Variants in PMS1 observed in about 807,000 individuals in gnomAD.
PMS1 encodes PMS1 homolog 1, mismatch repair system component, also known as PMS1 protein homolog 1.
PMS1 carries 79 observed loss-of-function variants against 93.1 expected under a neutral mutation model. The ratio of observed to expected loss-of-function variants is 0.85; its 90% confidence interval spans 0.71 to 1.02. The LOEUF is 1.02. Ranked by LOEUF, PMS1 falls within the 50% of genes least tolerant of loss-of-function variation. The probability of loss-of-function intolerance (pLI) is 0.00; values close to 1 mark genes in which losing one functional copy is unlikely to be tolerated. For missense variants in PMS1, 1,064 were observed against 1,085.3 expected, an observed-to-expected ratio of 0.98 and a Z score of 0.28; for synonymous variants, 335 against 363.4, an observed-to-expected ratio of 0.92 and a Z score of 0.89.
chr2:189,790,264 A>C (rs1401543397), intron 1 of PMS1, among the ~76,000 whole-genome samples: 5 of 152,216 alleles, frequency 3.3e-5, no homozygotes, highest in Non-Finnish European at 7.3e-5. Flanking sequence ...ATGATGTTTA[A>C]ATGAGACTGT....
Position 189,795,914 on chromosome 2 carries a change from G to C in PMS1, c.278G>C (p.Arg93Pro), listed in dbSNP as rs778185859. 1.9e-6 allele frequency: 3 copies of C among 1,613,514 alleles called. No homozygotes were observed. The highest frequency in any genetic ancestry group is 3.3e-5 in the Admixed American group (2 of 60,008). Residue 93 changes from arginine to proline, a missense_variant, in exon 3 of 13, where the codon CGT becomes CCT. Physicochemically the swap from Arg to Pro is moderately radical, Grantham distance 103. Transcript: ENST00000441310. Reference protein sequence around the residue: ...DLENLTTYGFRGEALGSICCI... With the variant: ...DLENLTTYGFPGEALGSICCI... ...GAAAATTTGACAACTTACGGTTTTC[G>C]TGGAGAAGCCTTGGGGTCAATTTGT...
At chr2:189,810,743 T>G (rs2050770131) in intron 4 of PMS1, among the ~76,000 whole-genome samples, 1 of 152,208 alleles carries the variant, frequency 6.6e-6, no homozygotes, top group Admixed American at 6.5e-5. Context: ...ACTAAAAGGT[T>G]CAACTCAGAT....
At chr2:189,851,291 T>C (rs1485887142) in intron 6 of PMS1, among the ~76,000 whole-genome samples, 3 of 152,180 alleles carry the variant, frequency 2.0e-5, no homozygotes, top group African/African-American at 7.2e-5. Context: ...CATTTTATTA[T>C]TTATTCTTAT....
At chr2:189,876,127 T>G (rs990857760) in intron 12 of PMS1, among the ~76,000 whole-genome samples, 4 of 152,122 alleles carry the variant, frequency 2.6e-5, no homozygotes, top group Non-Finnish European at 5.9e-5. Context: ...AAAAAATTTC[T>G]TAATCATTAG....
chr2:189,805,939 T>C (rs1212937779), intron 4 of PMS1, 185 bp downstream of exon 4: 1 of 1,507,544 alleles, frequency 6.6e-7, no homozygotes. Context: ...ATATTTAGAA[T>C]TGTTCTCAAA....
chr2:189,814,920 A>AC (rs2051149511), intron 4 of PMS1, among the ~76,000 whole-genome samples: 1 of 151,950 alleles, frequency 6.6e-6, no homozygotes, highest in Admixed American at 6.6e-5. Flanking sequence ...ACATGGTGAA[A>AC]CCCCGTCTCT....
chr2:189,793,053 G>A (rs1428118870), intron 2 of PMS1, among the ~76,000 whole-genome samples: 3 of 151,968 alleles, frequency 2.0e-5, no homozygotes, highest in African/African-American at 4.8e-5. Flanking sequence ...CAGGTGATCC[G>A]CCCACCTCGG....
At chr2:189,791,981 A>G (rs774486937) in intron 2 of PMS1, 40 bp downstream of exon 2, 4 of 1,588,780 alleles carry the variant, frequency 2.5e-6, no homozygotes, top group East Asian at 4.5e-5. Flanking sequence ...TAAGACAAAG[A>G]AAAGGGTCTG....
Position 189,855,692 on chromosome 2 carries a change from A to G in PMS1, c.1856+564A>G, listed in dbSNP as rs890253155. 4 of 180,026 alleles carry G rather than the reference A, an allele frequency of 2.2e-5. No individual in the cohort carries two copies. The Admixed American group carries it at 2.5e-4, about 11-fold the overall frequency. 11.2% of individuals were successfully genotyped at this position (180,026 alleles called of 1,614,324 possible). A position where few individuals can be genotyped will look rare whatever the true frequency, so the allele number is the denominator to read the frequency against. ...AGATGTATTATTTATTATAACTTATAAACTATAGTGGGTATTTTTATTACA... is the reference window on the plus strand; with the variant it reads ...AGATGTATTATTTATTATAACTTATGAACTATAGTGGGTATTTTTATTACA... On this transcript the variant is annotated intron_variant, in intron 9 of 12. Coordinates refer to ENST00000441310, the MANE Select transcript of PMS1 (RefSeq NM_000534.5).
chr2:189,860,608 A>T (rs755379816), intron 9 of PMS1, among the ~76,000 whole-genome samples: 11 of 152,076 alleles, frequency 7.2e-5, no homozygotes, highest in Middle Eastern at 6.8e-3. Flanking sequence ...GATAGAGAAA[A>T]TGCTAAGTTA....
At chr2:189,787,333 T>G (rs141090092) in intron 1 of PMS1, among the ~76,000 whole-genome samples, 3 of 152,338 alleles carry the variant, frequency 2.0e-5, no homozygotes, top group Admixed American at 1.3e-4. Context: ...TTAATATTCA[T>G]GAAGTGAAGG....
rs899826460 is a variant in PMS1, at chr2:189,792,795, TTTTA to T, written c.132+874_132+877del. On this transcript the variant is annotated intron_variant, in intron 2 of 12. Transcript: ENST00000441310. ...TAACTACTACTATACCCATTTTATT[TTTTA>T]TTTATTTATTTATTTATTTTTTATT... Among the ~76,000 whole-genome samples, 8 of 149,666 alleles carry T rather than the reference TTTTA, an allele frequency of 5.3e-5. No homozygotes were observed. In the East Asian group the frequency reaches 1.4e-3, roughly 25 times the overall value.
chr2:189,794,816 A>T (rs894164495), intron 2 of PMS1, among the ~76,000 whole-genome samples: 2 of 152,156 alleles, frequency 1.3e-5, no homozygotes, highest in African/African-American at 4.8e-5. Context: ...AAAGATTTTC[A>T]TCTGATATGA....
chr2:189,795,773 A>G lies in PMS1; in HGVS notation c.137A>G (p.Asn46Ser), dbSNP rs1477413205. ...GTGTTTTTTGACATTTTATAGGAGA[A>G]CTATGGATTTGATAAAATTGAGGTG... is the stretch of plus-strand genomic sequence containing the variant. ...GATSVDVKLENYGFDKIEVRD... is the reference protein window; with the variant it reads ...GATSVDVKLESYGFDKIEVRD... Residue 46 changes from asparagine (N) to serine (S), a missense_variant, in exon 3 of 13, where the codon AAC becomes AGC. Physicochemically the swap from Asn to Ser is conservative, Grantham distance 46 (BLOSUM62 1). Coordinates refer to ENST00000441310, the MANE Select transcript of PMS1 (RefSeq NM_000534.5). The G allele has an allele frequency of 6.2e-7, 1 of 1,612,194 alleles. No individual in the cohort carries two copies. Among genetic ancestry groups the G allele is most frequent in the East Asian group, 2.2e-5 (1 of 44,866 alleles).
rs192540730 is a variant in PMS1 at position 189,838,716 on chromosome 2, A to G, written c.583-5248A>G. Reference sequence around the variant, plus strand: ...TAATTCTCAGCCGCAGTATATTAATACTAGTAAAGTACCAAAGTTTGCAAA... The same window carrying G: ...TAATTCTCAGCCGCAGTATATTAATGCTAGTAAAGTACCAAAGTTTGCAAA... On this transcript the variant is annotated intron_variant, in intron 5 of 12. Coordinates refer to ENST00000441310, the MANE Select transcript of PMS1 (RefSeq NM_000534.5). Among the ~76,000 whole-genome samples the G allele has an allele frequency of 1.2e-4, 18 of 152,334 alleles. 1 individual carries two copies. Among genetic ancestry groups the G allele is most frequent in the Non-Finnish European group, 8.8e-5 (6 of 68,028 alleles).
chr2:189,848,503 T>C (rs256578), intron 6 of PMS1, among the ~76,000 whole-genome samples: 9,712 of 152,264 alleles, frequency 0.064, 444 homozygotes, highest in African/African-American at 0.13. Flanking sequence ...TGTTTTGAGA[T>C]GTGTTGCCAG....
At chr2:189,835,664 A>G (rs2053317353) in intron 5 of PMS1, among the ~76,000 whole-genome samples, 1 of 152,040 alleles carries the variant, frequency 6.6e-6, no homozygotes. Flanking sequence ...GGTGGCTCAC[A>G]CCTGTAATCC....
At chr2:189,791,604 G>A in intron 1 of PMS1, 186 bp from the exon 2 acceptor site, 1 of 482,906 alleles carries the variant, frequency 2.1e-6, no homozygotes, top group East Asian at 3.9e-5. Flanking sequence ...GTGACAGCGA[G>A]ATTTCATCTC....
rs762083170 is a variant in PMS1, at chr2:189,854,290, T to C, written c.1018T>C (p.Leu340=). Residue 340 remains leucine (L), a synonymous_variant, in exon 9 of 13, where the codon TTA becomes CTA. Coordinates refer to ENST00000441310, the MANE Select transcript of PMS1 (RefSeq NM_000534.5). ...ENLMTTCYGP[L]PSTNSYENNK... is the part of the protein sequence containing the mutation. ...TCTGATGACGACTTGTTATGGACCATTACCTAGTACAAATTCTTATGAAAA... is the reference window on the plus strand; with the variant it reads ...TCTGATGACGACTTGTTATGGACCACTACCTAGTACAAATTCTTATGAAAA... 2.0e-5 allele frequency: 32 copies of C among 1,597,684 alleles called. No homozygotes were observed. In the East Asian group the frequency reaches 4.7e-4, roughly 23 times the overall value.
Sources: allele counts gnomAD v4.1 joint callset (sites outside exome capture counted in the v4.1 genomes callset), GRCh38; gene constraint gnomAD v4.1.1; transcripts MANE v1.5; gene names NCBI Gene and HGNC (gene_info 2026-07-23, HGNC 2026-07-21).